The following HHAT variants were observed in gnomAD, a reference collection of about 807,000 sequenced individuals.
HHAT encodes protein-cysteine N-palmitoyltransferase HHAT.
In HHAT, 47 loss-of-function variants were observed where a neutral mutation model predicts 70.8. The ratio of observed to expected loss-of-function variants is 0.66; its 90% CI spans 0.53 to 0.85. HHAT has a LOEUF of 0.85. HHAT is among the 40% of genes least tolerant of loss of function. The pLI, the probability that HHAT is intolerant of heterozygous loss-of-function variation, is 0.00. For synonymous variants in HHAT, 228 were observed against 247.6 expected (o/e 0.92, Z 0.74); for missense variants, 609 against 604.8 (o/e 1.01, Z -0.07).
chr1:210,421,077 A>G (rs546955697), intron 7 of HHAT, among the ~76,000 whole-genome samples: 7 of 152,304 alleles, frequency 4.6e-5, no homozygotes, highest in Non-Finnish European at 8.8e-5. Context: ...CAATTTATAG[A>G]TTTAATACAA....
At chr1:210,569,041 G>T (rs1046880450) in intron 9 of HHAT, among the ~76,000 whole-genome samples, 1 of 152,008 alleles carries the variant, frequency 6.6e-6, no homozygotes, top group Non-Finnish European at 1.5e-5. Context: ...TGCTTGCTTG[G>T]TATGTGGGAG....
intron 7 of HHAT, among the ~76,000 whole-genome samples, chr1:210,450,012 G>T (rs1361713421): frequency 2.0e-5 from 3 of 152,014 alleles, no homozygotes; most frequent in African/African-American, 7.2e-5. Flanking sequence ...GTGAGAATAT[G>T]GGCTTGGCGT....
At chr1:210,584,487 T>C (rs4402133) in intron 9 of HHAT, among the ~76,000 whole-genome samples, 148,529 of 152,252 alleles carry the variant, frequency 0.98, 72,550 homozygotes, top group South Asian at 1. Context: ...TAGGAGGCAG[T>C]GAATTGTGGC....
chr1:210,596,523 T>C (rs1334680739), intron 10 of HHAT, among the ~76,000 whole-genome samples: 1 of 151,996 alleles, frequency 6.6e-6, no homozygotes, highest in Non-Finnish European at 1.5e-5. Flanking sequence ...TTATATTCTG[T>C]CTCTTCTGAC....
intron 9 of HHAT, among the ~76,000 whole-genome samples, chr1:210,552,474 C>T (rs2095535530): frequency 6.6e-6 from 1 of 152,108 alleles, no homozygotes; most frequent in South Asian, 2.1e-4. Flanking sequence ...AGTTCACTGG[C>T]AAGTGCTCGT....
intron 8 of HHAT, among the ~76,000 whole-genome samples, chr1:210,482,323 T>C (rs533060323): frequency 6.6e-6 from 1 of 152,318 alleles, no homozygotes; most frequent in Non-Finnish European, 1.5e-5. Flanking sequence ...ACTGTGGGAT[T>C]ACAGTACCTG....
At chr1:210,472,772 A>G (rs749362205) in intron 8 of HHAT, among the ~76,000 whole-genome samples, 7 of 152,234 alleles carry the variant, frequency 4.6e-5, no homozygotes, top group East Asian at 3.8e-4. Context: ...TAACACATCA[A>G]TGAATGCACA....
rs888304056 is a variant in HHAT, at chr1:210,400,551, C to G, written c.357C>G (p.Leu119=). The change falls in exon 5 of 12, where the codon CTC becomes CTG. Residue 119 remains leucine, a synonymous_variant. Transcript: ENST00000261458. The part of the protein sequence containing the change: ...LGTPGVAMVL[L]HTTISFCVAQ... Reference sequence around the variant, plus strand: ...CCCCTGGTGTGGCTATGGTTTTGCTCCATACCACCATCTCTTTCTGCGTGG... The same window carrying G: ...CCCCTGGTGTGGCTATGGTTTTGCTGCATACCACCATCTCTTTCTGCGTGG... 8.1e-6 allele frequency: 13 copies of G among 1,613,952 alleles called. No homozygotes were observed. The African/African-American group carries it at 1.2e-4, about 15-fold the overall frequency.
intron 7 of HHAT, among the ~76,000 whole-genome samples, chr1:210,432,321 G>T (rs1269517403): frequency 6.6e-6 from 1 of 151,912 alleles, no homozygotes; most frequent in Non-Finnish European, 1.5e-5. Flanking sequence ...GCCGGAAAAG[G>T]AGTCAGTAAC....
intron 8 of HHAT, among the ~76,000 whole-genome samples, chr1:210,509,658 G>A (rs1203960658): frequency 6.6e-6 from 1 of 152,164 alleles, no homozygotes; most frequent in African/African-American, 2.4e-5. Flanking sequence ...CACTGTGTGT[G>A]TGTGTTGGCT....
At chr1:210,342,529 A>T (rs1336518097) in intron 1 of HHAT, among the ~76,000 whole-genome samples, 1 of 152,230 alleles carries the variant, frequency 6.6e-6, no homozygotes, top group Non-Finnish European at 1.5e-5. Flanking sequence ...ACTTAAACAC[A>T]GGCTGTGTCC....
At chr1:210,404,382 C>G in intron 5 of HHAT, 82 bp from the exon 6 acceptor site, 1 of 1,055,008 alleles carries the variant, frequency 9.5e-7, no homozygotes, top group Non-Finnish European at 1.4e-6. Flanking sequence ...TGACGGTGGC[C>G]CTGCTGGCCA....
intron 8 of HHAT, among the ~76,000 whole-genome samples, chr1:210,502,654 G>C (rs2094781608): frequency 6.6e-6 from 1 of 152,108 alleles, no homozygotes; most frequent in South Asian, 2.1e-4. Context: ...GCTGTTAAAT[G>C]CCTGTAATAT....
intron 7 of HHAT, among the ~76,000 whole-genome samples, chr1:210,443,256 T>A (rs2093564271): frequency 6.7e-6 from 1 of 148,226 alleles, no homozygotes; most frequent in African/African-American, 2.5e-5. Flanking sequence ...AGCCTTGTAG[T>A]ATAGTTTGAG....
chr1:210,467,898 C>T (rs185894216), intron 8 of HHAT, among the ~76,000 whole-genome samples: 1 of 152,282 alleles, frequency 6.6e-6, no homozygotes, highest in Non-Finnish European at 1.5e-5. Flanking sequence ...CCTGCCGTAT[C>T]AGAGGAATAT....
At chr1:210,478,951 C>T (rs2094348817) in intron 8 of HHAT, among the ~76,000 whole-genome samples, 2 of 152,220 alleles carry the variant, frequency 1.3e-5, no homozygotes, top group Admixed American at 6.5e-5. Flanking sequence ...GTGGTGGCAT[C>T]TGTGTCATGC....
intron 5 of HHAT, among the ~76,000 whole-genome samples, chr1:210,401,800 G>A (rs1427268304): frequency 1.3e-5 from 2 of 152,160 alleles, no homozygotes; most frequent in African/African-American, 2.4e-5. Flanking sequence ...TGAGGCGATT[G>A]CACCTATCAG....
intron 4 of HHAT, among the ~76,000 whole-genome samples, chr1:210,397,564 T>TG (rs1392585508): frequency 6.6e-6 from 1 of 152,094 alleles, no homozygotes; most frequent in East Asian, 1.9e-4. Context: ...CAATTTTTTT[T>TG]TTTTTTGAAA....
intron 3 of HHAT, among the ~76,000 whole-genome samples, chr1:210,365,613 T>C (rs2088867811): frequency 6.6e-6 from 1 of 151,826 alleles, no homozygotes; most frequent in Admixed American, 6.6e-5. Context: ...CCACCATGCC[T>C]GGCTGACATT....
Sources: allele counts gnomAD v4.1 joint callset (sites outside exome capture counted in the v4.1 genomes callset), GRCh38; gene constraint gnomAD v4.1.1; transcripts MANE v1.5; gene names NCBI Gene and HGNC (gene_info 2026-07-23, HGNC 2026-07-21).